Variants in PREP observed in about 807,000 individuals in gnomAD.
The protein encoded by PREP is dJ355L5.1 (prolyl endopeptidase).
Under a neutral mutation model 87.6 loss-of-function variants are expected in PREP, and 29 were observed. The observed-to-expected ratio is 0.33, with a 90% CI of 0.25 to 0.45. The LOEUF is 0.45. PREP is among the 20% of genes least tolerant of loss of function. The pLI, the probability that PREP is intolerant of heterozygous loss-of-function variation, is 1.00. For missense variants in PREP, 695 were observed against 886.5 expected (o/e 0.78, Z 2.74); for synonymous variants, 337 against 328.6 (o/e 1.03, Z -0.28).
chr6:105,277,312 T>G lies in PREP; in HGVS notation c.*832A>C, dbSNP rs909276421. On this transcript the variant is annotated 3_prime_UTR_variant, in exon 15 of 15. Coordinates refer to ENST00000652536, the MANE Select transcript of PREP (RefSeq NM_002726.5). ...TGTTTGTTTGGATAATTTACTCATG[T>G]GATCTCTTGGAACCAAGGATCCTTG... 6.6e-6 allele frequency among the ~76,000 whole-genome samples: 1 copy of G among 152,184 alleles called. No individual in the cohort carries two copies. The highest frequency in any genetic ancestry group is 1.5e-5 in the Non-Finnish European group (1 of 68,036).
chr6:105,318,775 A>T (rs145304563), intron 10 of PREP, among the ~76,000 whole-genome samples: 1 of 152,206 alleles, frequency 6.6e-6, no homozygotes, highest in Non-Finnish European at 1.5e-5. Flanking sequence ...CTCTTCACTA[A>T]AACGTTCTGA....
chr6:105,321,039 T>C (rs1770991416), intron 10 of PREP, among the ~76,000 whole-genome samples: 1 of 152,218 alleles, frequency 6.6e-6, no homozygotes, highest in Non-Finnish European at 1.5e-5. Context: ...TTTTAAGCCA[T>C]ACAAGTCAAT....
At chr6:105,395,468 A>G (rs1773265972) in intron 2 of PREP, among the ~76,000 whole-genome samples, 1 of 152,216 alleles carries the variant, frequency 6.6e-6, no homozygotes, top group African/African-American at 2.4e-5. Flanking sequence ...AAATAAAAAG[A>G]TATATTTCAG....
At chr6:105,336,852 G>A (rs1398249110) in intron 7 of PREP, among the ~76,000 whole-genome samples, 2 of 152,076 alleles carry the variant, frequency 1.3e-5, no homozygotes, top group Non-Finnish European at 2.9e-5. Context: ...ACCTCGTGGT[G>A]GGCTGTACTC....
chr6:105,285,355 CTTGT>C (rs1036123357), intron 12 of PREP, 127 bp downstream of exon 12: 12 of 747,196 alleles, frequency 1.6e-5, no homozygotes, highest in Non-Finnish European at 2.6e-5. Flanking sequence ...TGATAATATC[CTTGT>C]TTTTCATTCG....
At chr6:105,342,939 T>C (rs2114671534) in intron 7 of PREP, among the ~76,000 whole-genome samples, 1 of 152,282 alleles carries the variant, frequency 6.6e-6, no homozygotes, top group South Asian at 2.1e-4. Flanking sequence ...ATTGTGAAAA[T>C]GGCCATACTG....
At chr6:105,284,160 A>G (rs1562186144) in intron 12 of PREP, among the ~76,000 whole-genome samples, 2 of 152,322 alleles carry the variant, frequency 1.3e-5, no homozygotes, top group African/African-American at 4.8e-5. Flanking sequence ...CTCTAATATC[A>G]GCTCAAAATT....
Position 105,331,917 on chromosome 6 carries a change from A to G in PREP, c.1015+1397T>C, listed in dbSNP as rs1225581509. On this transcript the variant is annotated intron_variant, in intron 8 of 14. Transcript: ENST00000652536. ...CCTTCTACCAACCCCAGCCTGACAC[A>G]GACAGAGTATCGGTGCCTGATCCAA... Among the ~76,000 whole-genome samples the G allele has an allele frequency of 2.0e-5, 3 of 152,172 alleles. No homozygotes were observed. In the East Asian group the frequency reaches 5.8e-4, roughly 29 times the overall value.
chr6:105,302,822 A>T, intron 10 of PREP: 1 of 403,688 alleles, frequency 2.5e-6, no homozygotes, highest in South Asian at 2.0e-5. Context: ...GATCTTAGCC[A>T]TTGCTGCACA....
chr6:105,374,698 A>G (rs886533051), intron 4 of PREP, among the ~76,000 whole-genome samples: 1 of 126,558 alleles, frequency 7.9e-6, no homozygotes, highest in Admixed American at 7.6e-5. Flanking sequence ...ATATATCAGA[A>G]AATTTTCAGA....
At chr6:105,304,438 C>T (rs998350568) in intron 10 of PREP, among the ~76,000 whole-genome samples, 5 of 152,162 alleles carry the variant, frequency 3.3e-5, no homozygotes, top group African/African-American at 1.2e-4. Flanking sequence ...TCATACATCT[C>T]GTAAACTATG....
At chr6:105,338,810 C>T (rs535196565) in intron 7 of PREP, among the ~76,000 whole-genome samples, 175 of 152,308 alleles carry the variant, frequency 1.1e-3, no homozygotes, top group African/African-American at 3.2e-3. Context: ...AGTCTGAGAT[C>T]GAACTGCAAG....
intron 10 of PREP, among the ~76,000 whole-genome samples, chr6:105,294,844 T>C (rs533041523): frequency 6.6e-6 from 1 of 152,340 alleles, no homozygotes; most frequent in East Asian, 1.9e-4. Context: ...TAAAAAACTC[T>C]TATGAAGACG....
intron 7 of PREP, among the ~76,000 whole-genome samples, chr6:105,346,397 T>C (rs1338193872): frequency 6.6e-6 from 1 of 152,252 alleles, no homozygotes; most frequent in Non-Finnish European, 1.5e-5. Context: ...TGGTTATGTG[T>C]TAGCATGTAA....
chr6:105,306,054 G>C (rs1195155878), intron 10 of PREP, among the ~76,000 whole-genome samples: 1 of 151,932 alleles, frequency 6.6e-6, no homozygotes, highest in African/African-American at 2.4e-5. Flanking sequence ...TGTGTCCCAG[G>C]CTAGCCTCAA....
chr6:105,339,501 C>T (rs920968673), intron 7 of PREP, among the ~76,000 whole-genome samples: 1 of 152,168 alleles, frequency 6.6e-6, no homozygotes, highest in African/African-American at 2.4e-5. Context: ...CACAGCTCCT[C>T]GCCAGCAACG....
At chr6:105,308,409 T>C (rs117279123) in intron 10 of PREP, among the ~76,000 whole-genome samples, 2 of 152,096 alleles carry the variant, frequency 1.3e-5, no homozygotes, top group Non-Finnish European at 2.9e-5. Context: ...GTTGGAGGGC[T>C]CCAGTACAAT....
At position 105,281,998 on chromosome 6, in the gene PREP, CCTGGTTGCATTTATCCAGAGCA is replaced by C. The variant is rs1214473626; in HGVS notation, c.1682-118_1682-97del. On this transcript the variant is annotated intron_variant, in intron 13 of 14. Transcript: ENST00000652536. ...ATACTTACTTACATGCTTCCAGAGC[CCTGGTTGCATTTATCCAGAGCA>C]CAAGAGGAAACCATCAGAAATCACC... The C allele has an allele frequency of 5.6e-5, 79 of 1,412,818 alleles. 1 individual carries two copies. The highest frequency in any genetic ancestry group is 7.1e-5 in the Non-Finnish European group (74 of 1,048,644). 87.5% of individuals were successfully genotyped at this position (1,412,818 alleles called of 1,614,324 possible).
At chr6:105,325,836 A>G (rs1485193608) in intron 9 of PREP, among the ~76,000 whole-genome samples, 2 of 152,212 alleles carry the variant, frequency 1.3e-5, no homozygotes, top group African/African-American at 4.8e-5. Context: ...AATAAATTTC[A>G]AAGTTTAAGG....
Sources: gnomAD v4.1 joint callset for allele counts (sites outside exome capture counted in the v4.1 genomes callset) on GRCh38, gnomAD v4.1.1 for gene constraint, MANE v1.5 for transcripts, NCBI Gene and HGNC (gene_info 2026-07-23, HGNC 2026-07-21) for gene names.